The following PKHD1 variants were observed in gnomAD, a reference collection of about 807,000 sequenced individuals.
PKHD1 encodes the protein PKHD1 ciliary IPT domain containing fibrocystin/polyductin.
PKHD1 carries 291 observed loss-of-function variants against 412.0 expected under a neutral mutation model. The ratio of observed to expected loss-of-function variants is 0.71; its 90% CI spans 0.64 to 0.78. The LOEUF (loss-of-function observed/expected upper bound fraction) is 0.78, where lower values mean the gene tolerates loss of function less well. PKHD1 is among the 30% of genes least tolerant of loss of function. The probability of loss-of-function intolerance (pLI) is 0.00; values close to 1 mark genes in which losing one functional copy is unlikely to be tolerated. For synonymous variants in PKHD1, 1,777 were observed against 1,821.5 expected (o/e 0.98, Z 0.62); for missense variants, 4,825 against 4,950.7 (o/e 0.97, Z 0.76).
chr6:51,993,658 A>T lies in PKHD1; in HGVS notation c.5751+16651T>A, dbSNP rs1216246051. On this transcript the variant is annotated intron_variant, in intron 35 of 66. Coordinates refer to ENST00000371117, the MANE Select transcript of PKHD1 (RefSeq NM_138694.4). ...TCTAATGAAGTCATATGACAAATCC[A>T]CCAGGGATCTCCTTCCTTAAAGGAT... Among the ~76,000 whole-genome samples, 7 of 152,246 alleles carry T rather than the reference A, an allele frequency of 4.6e-5. No homozygotes were observed. The East Asian group carries it at 1.2e-3, about 25-fold the overall frequency.
chr6:51,717,410 C>G (rs1386302817), intron 60 of PKHD1, among the ~76,000 whole-genome samples: 1 of 134,208 alleles, frequency 7.5e-6, no homozygotes, highest in African/African-American at 3.1e-5. Flanking sequence ...AAAACTCTGT[C>G]TCAAAAAAAA....
chr6:52,080,529 C>T (rs1379543402), intron 4 of PKHD1, among the ~76,000 whole-genome samples: 2 of 152,180 alleles, frequency 1.3e-5, no homozygotes, highest in Admixed American at 6.5e-5. Context: ...CTGATGCTGA[C>T]ATCCATGTTG....
At chr6:51,637,224 A>C (rs556739414) in intron 64 of PKHD1, among the ~76,000 whole-genome samples, 1 of 152,350 alleles carries the variant, frequency 6.6e-6, no homozygotes, top group African/African-American at 2.4e-5. Context: ...CAAATCTGGA[A>C]CAAAATATGC....
At chr6:51,853,431 T>C (rs1302918875) in intron 49 of PKHD1, among the ~76,000 whole-genome samples, 1 of 152,202 alleles carries the variant, frequency 6.6e-6, no homozygotes, top group Non-Finnish European at 1.5e-5. Flanking sequence ...AGTGTCTTAA[T>C]GGTGTTCTCT....
At chr6:51,994,979 A>G (rs990442768) in intron 35 of PKHD1, among the ~76,000 whole-genome samples, 2 of 152,244 alleles carry the variant, frequency 1.3e-5, no homozygotes, top group Admixed American at 6.5e-5. Flanking sequence ...CCACTATATC[A>G]TACCACCTCC....
intron 52 of PKHD1, among the ~76,000 whole-genome samples, chr6:51,792,645 A>C (rs560340004): frequency 1.3e-4 from 20 of 152,374 alleles, no homozygotes; most frequent in Non-Finnish European, 2.5e-4. Flanking sequence ...GAAAAATTAA[A>C]GTATGACATC....
chr6:51,948,185 C>G (rs1222668892), intron 36 of PKHD1, among the ~76,000 whole-genome samples: 2 of 152,260 alleles, frequency 1.3e-5, no homozygotes, highest in East Asian at 3.9e-4. Context: ...TGCCCTTATC[C>G]TCTACCTCAG....
intron 60 of PKHD1, among the ~76,000 whole-genome samples, chr6:51,707,431 C>A (rs1200769231): frequency 2.6e-5 from 4 of 152,136 alleles, no homozygotes; most frequent in Non-Finnish European, 5.9e-5. Flanking sequence ...TCCACCTGTG[C>A]TCTGAAACCC....
chr6:51,842,361 G>C (rs199815893), intron 50 of PKHD1, among the ~76,000 whole-genome samples: 1 of 152,066 alleles, frequency 6.6e-6, no homozygotes, highest in African/African-American at 2.4e-5. Context: ...CTAGGGGAAG[G>C]GGCTGTGTTT....
intron 51 of PKHD1, among the ~76,000 whole-genome samples, chr6:51,835,922 C>T (rs1189302729): frequency 6.6e-6 from 1 of 152,136 alleles, no homozygotes; most frequent in Non-Finnish European, 1.5e-5. Flanking sequence ...CAATGAAATA[C>T]ATCAGAAGGT....
intron 57 of PKHD1, among the ~76,000 whole-genome samples, chr6:51,749,317 A>G (rs1482355890): frequency 1.3e-5 from 2 of 152,154 alleles, no homozygotes; most frequent in Admixed American, 6.5e-5. Context: ...TTTCATTTTT[A>G]TAAGATTTTC....
At chr6:51,671,228 T>C (rs1251067827) in intron 60 of PKHD1, among the ~76,000 whole-genome samples, 2 of 152,060 alleles carry the variant, frequency 1.3e-5, no homozygotes, top group African/African-American at 4.8e-5. Flanking sequence ...CCCATATTTC[T>C]TGGAGGCTTT....
At chr6:52,072,419 CA>C (rs1810757382) in intron 7 of PKHD1, among the ~76,000 whole-genome samples, 1 of 152,104 alleles carries the variant, frequency 6.6e-6, no homozygotes, top group African/African-American at 2.4e-5. Context: ...TCTCCCTTCC[CA>C]AAAAACCTTC....
Position 52,048,555 on chromosome 6 carries a change from G to A in PKHD1, c.2344C>T (p.Gln782Ter), listed in dbSNP as rs371928571. The A allele has an allele frequency of 4.3e-6, 7 of 1,613,910 alleles. No individual in the cohort carries two copies. Among genetic ancestry groups the A allele is most frequent in the South Asian group, 1.1e-5 (1 of 91,082 alleles). The change falls in exon 23 of 67, where the codon CAG becomes TAG. Residue 782 changes from glutamine (Q) to a stop codon, truncating the protein, a stop_gained. Coordinates refer to ENST00000371117, the MANE Select transcript of PKHD1 (RefSeq NM_138694.4). LOFTEE classifies it high-confidence loss of function. Reference sequence around the variant, plus strand: ...CCTCCTAGAGGTGGACTTGTCCGCTGTCGTCTCTGTGTCGTCACCAGGACC... The same window carrying A: ...CCTCCTAGAGGTGGACTTGTCCGCTATCGTCTCTGTGTCGTCACCAGGACC... ...GLVLVTTQRR[Q>*]RTSPPLGGHF... is the part of the protein sequence containing the mutation.
chr6:52,003,495 C>T (rs1162561113), intron 35 of PKHD1, among the ~76,000 whole-genome samples: 3 of 152,096 alleles, frequency 2.0e-5, no homozygotes, highest in Non-Finnish European at 4.4e-5. Context: ...TACCAGTTGC[C>T]TGCATTTCCT....
chr6:51,842,758 T>C (rs181063226), intron 50 of PKHD1, among the ~76,000 whole-genome samples: 2 of 152,240 alleles, frequency 1.3e-5, no homozygotes, highest in African/African-American at 4.8e-5. Context: ...GGAAAGTCAG[T>C]GATTATACGC....
intron 60 of PKHD1, among the ~76,000 whole-genome samples, chr6:51,718,898 G>A (rs1313572589): frequency 6.6e-6 from 1 of 152,114 alleles, no homozygotes; most frequent in Non-Finnish European, 1.5e-5. Context: ...TATGTTGTAA[G>A]AAATTATCAT....
At chr6:51,994,283 T>C (rs574332807) in intron 35 of PKHD1, among the ~76,000 whole-genome samples, 25 of 152,098 alleles carry the variant, frequency 1.6e-4, no homozygotes, top group South Asian at 6.2e-4. Context: ...TACAGGCGCC[T>C]GCCACCGCGC....
At chr6:52,087,006 T>G (rs1812890720) in intron 1 of PKHD1, among the ~76,000 whole-genome samples, 1 of 152,170 alleles carries the variant, frequency 6.6e-6, no homozygotes, top group African/African-American at 2.4e-5. Context: ...TAATGCCTAC[T>G]CCCAAGCTCA....
Sources: gnomAD v4.1 joint callset for allele counts (sites outside exome capture counted in the v4.1 genomes callset) on GRCh38, gnomAD v4.1.1 for gene constraint, MANE v1.5 for transcripts, NCBI Gene and HGNC (gene_info 2026-07-23, HGNC 2026-07-21) for gene names.